Variants in SMIM24 observed in about 807,000 individuals in gnomAD.
The protein encoded by SMIM24 is small integral membrane protein 24.
In SMIM24, 6 loss-of-function variants were observed where a neutral mutation model predicts 10.8. The observed-to-expected ratio is 0.55, with a 90% confidence interval of 0.30 to 1.09. SMIM24 has a LOEUF of 1.09. Among genes scored for constraint, SMIM24 ranks in the 50% least tolerant of loss-of-function variants. The probability of loss-of-function intolerance (pLI) is 0.06; values close to 1 mark genes in which losing one functional copy is unlikely to be tolerated. For synonymous variants in SMIM24, 71 were observed against 62.4 expected (o/e 1.14, Z -0.65); for missense variants, 151 against 153.4 (o/e 0.98, Z 0.08).
chr19:3,478,371 C>T, intron 3 of SMIM24, 48 bp downstream of exon 3: 1 of 1,511,430 alleles, frequency 6.6e-7, no homozygotes, highest in East Asian at 2.5e-5. Flanking sequence ...CATTCCCCCA[C>T]CCCGAGGAGG....
At chr19:3,477,386 G>A (rs538226129) in intron 3 of SMIM24, among the ~76,000 whole-genome samples, 131 of 146,840 alleles carry the variant, frequency 8.9e-4, no homozygotes, top group Middle Eastern at 3.9e-3. Flanking sequence ...TGGATGGGGG[G>A]TGATGAATGG....
intron 1 of SMIM24, 181 bp from the exon 2 acceptor site, chr19:3,479,110 G>C: frequency 1.9e-6 from 1 of 524,736 alleles, no homozygotes; most frequent in Non-Finnish European, 3.4e-6. Context: ...TTTAGAGAGG[G>C]GGAGGGTACC....
Position 3,474,515 on chromosome 19 carries a change from G to C in SMIM24, c.*328C>G. 3.1e-6 allele frequency: 1 copy of C among 326,644 alleles called. No individual in the cohort carries two copies. The highest frequency in any genetic ancestry group is 5.6e-6 in the Non-Finnish European group (1 of 177,874). The allele number at this position is 326,644 out of a possible 1,614,324, so 20.2% of individuals were successfully genotyped here. A position where few individuals can be genotyped will look rare whatever the true frequency, so the allele number is the denominator to read the frequency against. On this transcript the variant is annotated 3_prime_UTR_variant, in exon 4 of 4. Transcript: ENST00000215531. ...CTGTTCAGTAGACATCAGGCAGAGAGAAAAGAAATCAGGCAGTGGGGAGAA... is the reference window on the plus strand; with the variant it reads ...CTGTTCAGTAGACATCAGGCAGAGACAAAAGAAATCAGGCAGTGGGGAGAA...
At chr19:3,479,608 G>A (rs1037865292) in intron 1 of SMIM24, among the ~76,000 whole-genome samples, 1 of 149,524 alleles carries the variant, frequency 6.7e-6, no homozygotes, top group African/African-American at 2.5e-5. Flanking sequence ...TCAGAGGGGA[G>A]GGGCTTACAA....
rs1008120078 is a variant in SMIM24, at chr19:3,480,386, C to A, written c.67+11G>T. ...ATCCCGCGACGCCCCCTCCCGCCCC[C>A]CTGCACCTACCCTGCTGGGCCTCCA... On this transcript the variant is annotated intron_variant, in intron 1 of 3. Coordinates refer to ENST00000215531, the MANE Select transcript of SMIM24 (RefSeq NM_001136503.2). 4 of 1,546,208 alleles carry A rather than the reference C, an allele frequency of 2.6e-6. No homozygotes were observed. The highest frequency in any genetic ancestry group is 2.0e-5 in the Admixed American group (1 of 50,744).
At chr19:3,478,557 C>T (rs1442534801) in intron 2 of SMIM24, 79 bp from the exon 3 acceptor site, 2 of 1,328,380 alleles carry the variant, frequency 1.5e-6, no homozygotes, top group Non-Finnish European at 2.1e-6. Context: ...GGTGTGACAG[C>T]CTCAGCCTCT....
At chr19:3,478,740 T>C in intron 2 of SMIM24, 78 bp downstream of exon 2, 1 of 817,192 alleles carries the variant, frequency 1.2e-6, no homozygotes, top group South Asian at 1.6e-5. Flanking sequence ...AGGCTGGTGA[T>C]GGGGGTACCA....
rs928220796 is a variant in SMIM24, at chr19:3,478,454, C to A, written c.204G>T (p.Thr68=). The A allele has an allele frequency of 6.5e-7, 1 of 1,549,104 alleles. No homozygotes were observed. Among genetic ancestry groups the A allele is most frequent in the Admixed American group, 2.0e-5 (1 of 50,664 alleles). Residue 68 remains threonine (T), a synonymous_variant, in exon 3 of 4, where the codon ACG becomes ACT. Coordinates refer to ENST00000215531, the MANE Select transcript of SMIM24 (RefSeq NM_001136503.2). Reference sequence around the variant, plus strand: ...GGTATAGGTTGGACTCCATTCTGAACGTGGTCTCCTCCTCGTCCTCAGCCC... The same window carrying A: ...GGTATAGGTTGGACTCCATTCTGAAAGTGGTCTCCTCCTCGTCCTCAGCCC... The part of the protein sequence containing the change: ...KARAEDEEET[T]FRMESNLYQD...
chr19:3,478,936 G>A lies in SMIM24; in HGVS notation c.68-7C>T. ...TTCAGGCGATGCTCCGTGGCTGCAG[G>A]AAGTTGGGGAGGTTCGACTCAGAGG... On this transcript the variant is annotated splice_polypyrimidine_tract_variant and splice_region_variant and intron_variant, in intron 1 of 3. Transcript: ENST00000215531. 1.3e-6 allele frequency: 2 copies of A among 1,548,842 alleles called. No individual in the cohort carries two copies. The highest frequency in any genetic ancestry group is 1.4e-5 in the African/African-American group (1 of 73,076).
In SMIM24 at chr19:3,478,876, A is replaced by T. The variant is rs1244061088; in HGVS notation, c.121T>A (p.Phe41Ile). The change falls in exon 2 of 4, where the codon TTC becomes ATC. Residue 41 changes from phenylalanine (F) to isoleucine (I), a missense_variant. Coordinates refer to ENST00000215531, the MANE Select transcript of SMIM24 (RefSeq NM_001136503.2). Reference sequence around the variant, plus strand: ...AAGACCAAATAGACGATGAACAGGAAGCCGACTACCGCAGCCAGGCCCACC... The same window carrying T: ...AAGACCAAATAGACGATGAACAGGATGCCGACTACCGCAGCCAGGCCCACC... ...WLVGLAAVVGFLFIVYLVLLA... is the reference protein window; with the variant it reads ...WLVGLAAVVGILFIVYLVLLA... 2.6e-6 allele frequency: 4 copies of T among 1,549,830 alleles called. No homozygotes were observed. In the African/African-American group the frequency reaches 4.1e-5, roughly 16 times the overall value.
chr19:3,478,582 G>T, intron 2 of SMIM24, 104 bp from the exon 3 acceptor site: 1 of 1,151,910 alleles, frequency 8.7e-7, no homozygotes, highest in Non-Finnish European at 1.2e-6. Flanking sequence ...CAACCTCCCA[G>T]CCGGGGCTCA....
intron 1 of SMIM24, 178 bp from the exon 2 acceptor site, chr19:3,479,107 A>AG: frequency 7.6e-6 from 1 of 131,440 alleles, no homozygotes; most frequent in Non-Finnish European, 1.4e-5. Context: ...GGGTTTAGAG[A>AG]GGGGGAGGGT....
intron 3 of SMIM24, among the ~76,000 whole-genome samples, chr19:3,476,410 G>A (rs1013057861): frequency 6.6e-6 from 1 of 151,954 alleles, no homozygotes; most frequent in Admixed American, 6.6e-5. Context: ...TGATGGATGG[G>A]TGGTTGGAGG....
At chr19:3,479,577 G>C (rs748976613) in intron 1 of SMIM24, among the ~76,000 whole-genome samples, 4 of 149,672 alleles carry the variant, frequency 2.7e-5, no homozygotes, top group Non-Finnish European at 5.9e-5. Context: ...CAGGAGGAGG[G>C]GCTTATAAAG....
chr19:3,476,378 A>G (rs1283607298), intron 3 of SMIM24, among the ~76,000 whole-genome samples: 1 of 151,696 alleles, frequency 6.6e-6, no homozygotes, highest in Non-Finnish European at 1.5e-5. Flanking sequence ...GGACAGATCA[A>G]TGGGCTAATG....
intron 1 of SMIM24, 198 bp from the exon 2 acceptor site, chr19:3,479,127 G>A (rs2082805982): frequency 2.2e-6 from 1 of 451,660 alleles, no homozygotes; most frequent in Non-Finnish European, 3.9e-6. Context: ...TACCTTACCA[G>A]AGTGGGAGGG....
intron 1 of SMIM24, chr19:3,479,178 G>T: frequency 4.5e-6 from 2 of 440,700 alleles, no homozygotes; most frequent in East Asian, 3.8e-5. Flanking sequence ...ATAAAAGAAG[G>T]GGGGCTTAGA....
rs117003979 is a variant in SMIM24, at chr19:3,477,037, G to C, written c.239+1382C>G. On this transcript the variant is annotated intron_variant, in intron 3 of 3. Coordinates refer to ENST00000215531, the MANE Select transcript of SMIM24 (RefSeq NM_001136503.2). The stretch of plus-strand genomic sequence containing the variant: ...AGTGGGTGGGTGGATGGGTGAGTGG[G>C]TGGATGGATTGGTGAATGGATAGGT... Among the ~76,000 whole-genome samples the C allele has an allele frequency of 2.7e-3, 382 of 138,922 alleles. 1 individual carries two copies. Among genetic ancestry groups the C allele is most frequent in the Non-Finnish European group, 4.7e-3 (306 of 64,806 alleles). 91.1% of individuals were successfully genotyped at this position (138,922 alleles called of 152,430 possible).
intron 3 of SMIM24, among the ~76,000 whole-genome samples, chr19:3,477,063 C>CA (rs2082795124): frequency 1.2e-5 from 1 of 84,360 alleles, no homozygotes; most frequent in South Asian, 4.5e-4. Context: ...ATGGATAGGT[C>CA]GGGGGGTGGG....
Sources: gnomAD v4.1 joint callset for allele counts (sites outside exome capture counted in the v4.1 genomes callset) on GRCh38, gnomAD v4.1.1 for gene constraint, MANE v1.5 for transcripts, NCBI Gene and HGNC (gene_info 2026-07-23, HGNC 2026-07-21) for gene names.